Variants in DNAJC13 observed in about 807,000 individuals in gnomAD.
DNAJC13 encodes dnaJ homolog subfamily C member 13.
Under a neutral mutation model 290.5 loss-of-function variants are expected in DNAJC13, and 75 were observed. The observed-to-expected ratio is 0.26, with a 90% CI of 0.21 to 0.31. The LOEUF is 0.31. DNAJC13 is among the 10% of genes least tolerant of loss of function. DNAJC13 has a pLI of 1.00. For missense variants in DNAJC13, 2,260 were observed against 2,674.5 expected (o/e 0.85, Z 3.42); for synonymous variants, 862 against 892.0 (o/e 0.97, Z 0.60).
chr3:132,516,445 CTT>C lies in DNAJC13; in HGVS notation c.5511_5512del (p.Tyr1838CysfsTer48). The C allele has an allele frequency of 6.2e-7, 1 of 1,613,772 alleles. No individual in the cohort carries two copies. Among genetic ancestry groups the C allele is most frequent in the Non-Finnish European group, 8.5e-7 (1 of 1,179,782 alleles). On this transcript the variant is annotated frameshift_variant, in exon 47 of 56. Transcript: ENST00000260818. LOFTEE classifies it high-confidence loss of function. Reference protein sequence around the residue: ...PSSRQLVLETLYALTSSTKII... With the variant: ...PSSRQLVLETXYALTSSTKII... ...AGGTCGTCAGCTTGTTCTGGAAACT[CTT>C]TATGCTTTGACATCGAGTACAAAAA...
intron 21 of DNAJC13, among the ~76,000 whole-genome samples, chr3:132,473,511 G>A (rs1042035204): frequency 6.6e-6 from 1 of 152,124 alleles, no homozygotes; most frequent in Admixed American, 6.5e-5. Flanking sequence ...AGAAATAATT[G>A]CATACTTCCT....
rs1033477597 is a variant in DNAJC13 at position 132,434,616 on chromosome 3, G to A, written c.66G>A (p.Gly22=). 5 of 1,601,940 alleles carry A rather than the reference G, an allele frequency of 3.1e-6. No individual in the cohort carries two copies. Among genetic ancestry groups the A allele is most frequent in the East Asian group, 2.2e-5 (1 of 44,768 alleles). Residue 22 remains glycine, a splice_region_variant and synonymous_variant, in exon 2 of 56, where the codon GGG becomes GGA. Coordinates refer to ENST00000260818, the MANE Select transcript of DNAJC13 (RefSeq NM_015268.4). ...ACACAACAAAACATTCATGGAGGGG[G>A]AAGTAAGTATTCTTGTTGGGTTTTT... ...CFYTTKHSWR[G]KYKRVFSVGT...
chr3:132,533,722 C>G (rs1236258481), intron 55 of DNAJC13, among the ~76,000 whole-genome samples: 1 of 152,120 alleles, frequency 6.6e-6, no homozygotes, highest in African/African-American at 2.4e-5. Flanking sequence ...ATAAGCTTCT[C>G]TACAGGAAAG....
In DNAJC13 at chr3:132,516,720, A is replaced by G; in HGVS notation, c.5577A>G (p.Leu1859=). The change falls in exon 48 of 56, where the codon TTA becomes TTG. Residue 1859 remains leucine, a synonymous_variant. Transcript: ENST00000260818. The part of the protein sequence containing the change: ...EAMAKGALIY[L]LDMFCNSTHP... The stretch of plus-strand genomic sequence containing the variant: ...CCTTCATAGGTGCTTTGATCTATTT[A>G]CTGGATATGTTCTGCAATTCAACAC... The G allele has an allele frequency of 6.2e-7, 1 of 1,612,672 alleles. No homozygotes were observed. The highest frequency in any genetic ancestry group is 1.7e-5 in the Admixed American group (1 of 59,810).
At chr3:132,465,235 G>A (rs1416515382) in intron 17 of DNAJC13, among the ~76,000 whole-genome samples, 2 of 152,024 alleles carry the variant, frequency 1.3e-5, no homozygotes, top group African/African-American at 2.4e-5. Flanking sequence ...ATATGTTTGT[G>A]GGTGGTTATT....
Position 132,480,481 on chromosome 3 carries a change from T to G in DNAJC13, c.2874+11T>G. On this transcript the variant is annotated intron_variant, in intron 26 of 55. Coordinates refer to ENST00000260818, the MANE Select transcript of DNAJC13 (RefSeq NM_015268.4). The stretch of plus-strand genomic sequence containing the variant: ...ACAGTACCACTGCAAGTACGTATCC[T>G]TGTTTACGTTTTACAAATTTAACGT... 2 of 1,573,008 alleles carry G rather than the reference T, an allele frequency of 1.3e-6. No individual in the cohort carries two copies. Among genetic ancestry groups the G allele is most frequent in the Non-Finnish European group, 1.7e-6 (2 of 1,150,430 alleles).
intron 1 of DNAJC13, among the ~76,000 whole-genome samples, chr3:132,433,089 T>C (rs1021809686): frequency 6.6e-6 from 1 of 152,192 alleles, no homozygotes; most frequent in Non-Finnish European, 1.5e-5. Context: ...GCAGTACAAA[T>C]GGCAATCTTG....
intron 45 of DNAJC13, among the ~76,000 whole-genome samples, chr3:132,514,180 T>G (rs1935854119): frequency 6.6e-6 from 1 of 152,190 alleles, no homozygotes. Flanking sequence ...AAAACATACC[T>G]ATTTCTTTAT....
At chr3:132,423,764 G>C (rs1230210958) in intron 1 of DNAJC13, among the ~76,000 whole-genome samples, 4 of 152,180 alleles carry the variant, frequency 2.6e-5, no homozygotes, top group African/African-American at 9.7e-5. Context: ...AGTATAAAAA[G>C]AACAGTGTTT....
intron 22 of DNAJC13, among the ~76,000 whole-genome samples, chr3:132,476,678 T>C (rs1327733751): frequency 6.6e-6 from 1 of 152,222 alleles, no homozygotes; most frequent in Non-Finnish European, 1.5e-5. Context: ...TCTCACACTC[T>C]GTTCCAGCCA....
intron 1 of DNAJC13, among the ~76,000 whole-genome samples, chr3:132,428,499 G>A (rs1217605186): frequency 1.3e-5 from 2 of 151,986 alleles, no homozygotes; most frequent in African/African-American, 4.8e-5. Context: ...AATAGAGATG[G>A]GGGTCTTGCC....
At chr3:132,457,391 A>T (rs1933644856) in intron 13 of DNAJC13, 23 bp downstream of exon 13, 1 of 1,594,766 alleles carries the variant, frequency 6.3e-7, no homozygotes, top group African/African-American at 1.3e-5. Flanking sequence ...TTTCTTAAGG[A>T]AACTGGTTTT....
intron 2 of DNAJC13, among the ~76,000 whole-genome samples, chr3:132,435,810 A>G (rs1393086391): frequency 6.6e-6 from 1 of 152,186 alleles, no homozygotes; most frequent in Non-Finnish European, 1.5e-5. Flanking sequence ...TTCCGTTTTT[A>G]ATATGATTAT....
In DNAJC13 at chr3:132,538,227, C is replaced by T; in HGVS notation, c.6677C>T (p.Ser2226Phe). The change falls in exon 56 of 56, where the codon TCT becomes TTT. Residue 2226 changes from serine to phenylalanine, a missense_variant. Physicochemically the swap from Ser to Phe is radical, Grantham distance 155 (BLOSUM62 -2). Coordinates refer to ENST00000260818, the MANE Select transcript of DNAJC13 (RefSeq NM_015268.4). ...GCAGGTACATCTACATCAGTCATGTCTAACCTGCCACCTCCTGTAGACCAT... is the reference window on the plus strand; with the variant it reads ...GCAGGTACATCTACATCAGTCATGTTTAACCTGCCACCTCCTGTAGACCAT... Reference protein sequence around the residue: ...LTAGTSTSVMSNLPPPVDHEA... With the variant: ...LTAGTSTSVMFNLPPPVDHEA... 6.2e-7 allele frequency: 1 copy of T among 1,613,952 alleles called. No individual in the cohort carries two copies. The highest frequency in any genetic ancestry group is 2.2e-5 in the East Asian group (1 of 44,862).
chr3:132,505,422 T>C lies in DNAJC13; in HGVS notation c.4998+7T>C, dbSNP rs569698103. The C allele has an allele frequency of 2.0e-4, 302 of 1,531,590 alleles. 2 individuals carry two copies. In the South Asian group the frequency reaches 3.3e-3, roughly 17 times the overall value. 94.9% of individuals were successfully genotyped at this position (1,531,590 alleles called of 1,614,324 possible). ...AGAAAACATGATTAAAAAAGTATGT[T>C]ATTGTTTTATAAATTTCTTGGGTAA... On this transcript the variant is annotated splice_region_variant and intron_variant, in intron 42 of 55. Coordinates refer to ENST00000260818, the MANE Select transcript of DNAJC13 (RefSeq NM_015268.4).
At chr3:132,535,311 A>G (rs1464190234) in intron 55 of DNAJC13, among the ~76,000 whole-genome samples, 3 of 152,208 alleles carry the variant, frequency 2.0e-5, no homozygotes, top group Admixed American at 6.5e-5. Flanking sequence ...GGATTACTCA[A>G]TCTTGATAAA....
rs527265295 is a variant in DNAJC13, at chr3:132,440,677, G to A, written c.69-5798G>A. On this transcript the variant is annotated intron_variant, in intron 2 of 55. Transcript: ENST00000260818. The stretch of plus-strand genomic sequence containing the variant: ...GGCTATACTATCTAGGTTTGTGTAA[G>A]TACAAAACTAGTAATTTACATACAG... Among the ~76,000 whole-genome samples, 10 of 152,354 alleles carry A rather than the reference G, an allele frequency of 6.6e-5. No individual in the cohort carries two copies. The South Asian group carries it at 1.9e-3, about 28-fold the overall frequency.
At chr3:132,515,696 G>A (rs1935898977) in intron 46 of DNAJC13, among the ~76,000 whole-genome samples, 1 of 152,130 alleles carries the variant, frequency 6.6e-6, no homozygotes, top group Admixed American at 6.6e-5. Context: ...TAGTCTTACA[G>A]GGAAAATAGC....
chr3:132,518,064 T>A (rs1369331928), intron 48 of DNAJC13, among the ~76,000 whole-genome samples: 2 of 151,704 alleles, frequency 1.3e-5, no homozygotes, highest in African/African-American at 4.9e-5. Flanking sequence ...TAATTTTTTT[T>A]ATTTATTATT....
Sources: allele counts gnomAD v4.1 joint callset (sites outside exome capture counted in the v4.1 genomes callset), GRCh38; gene constraint gnomAD v4.1.1; transcripts MANE v1.5; gene names NCBI Gene and HGNC (gene_info 2026-07-23, HGNC 2026-07-21).